Variants in PTPRN2 observed in about 807,000 individuals in gnomAD.
PTPRN2 encodes receptor-type tyrosine-protein phosphatase N2.
In PTPRN2, 74 loss-of-function variants were observed where a neutral mutation model predicts 118.8. That is an observed-to-expected ratio of 0.62 (90% CI 0.52 to 0.76). The LOEUF is 0.76. PTPRN2 is among the 30% of genes least tolerant of loss of function. PTPRN2 has a pLI of 0.00. For missense variants in PTPRN2, 1,481 were observed against 1,394.4 expected, an observed-to-expected ratio of 1.06 and a Z score of -0.99; for synonymous variants, 641 against 608.0, an observed-to-expected ratio of 1.05 and a Z score of -0.80.
intron 11 of PTPRN2, among the ~76,000 whole-genome samples, chr7:157,981,862 C>G (rs1350150697): frequency 6.6e-6 from 1 of 152,276 alleles, no homozygotes; most frequent in Non-Finnish European, 1.5e-5. Flanking sequence ...CAGCAGTTCT[C>G]CAAATGCAGC....
intron 3 of PTPRN2, among the ~76,000 whole-genome samples, chr7:158,247,361 G>A (rs1230708127): frequency 1.3e-5 from 2 of 152,218 alleles, no homozygotes; most frequent in Non-Finnish European, 2.9e-5. Flanking sequence ...GTGGGGAGGA[G>A]GGCGCTCTTG....
intron 12 of PTPRN2, among the ~76,000 whole-genome samples, chr7:157,688,396 C>T (rs1797297832): frequency 6.6e-6 from 1 of 152,226 alleles, no homozygotes; most frequent in Non-Finnish European, 1.5e-5. Context: ...AGCAGATTGC[C>T]TCCGGTGGGA....
At chr7:158,208,378 G>A (rs1407702882) in intron 3 of PTPRN2, among the ~76,000 whole-genome samples, 2 of 152,130 alleles carry the variant, frequency 1.3e-5, no homozygotes, top group Non-Finnish European at 2.9e-5. Flanking sequence ...GGTCAGGAAT[G>A]AAGAAAGAAT....
At chr7:157,906,723 C>T (rs1001108536) in intron 11 of PTPRN2, among the ~76,000 whole-genome samples, 2 of 152,164 alleles carry the variant, frequency 1.3e-5, no homozygotes, top group Admixed American at 6.5e-5. Flanking sequence ...ACCCTCTGGG[C>T]GCTGGGGCAC....
At chr7:157,830,008 C>T (rs1255980252) in intron 12 of PTPRN2, among the ~76,000 whole-genome samples, 1 of 152,214 alleles carries the variant, frequency 6.6e-6, no homozygotes, top group African/African-American at 2.4e-5. Context: ...CACCAGAACT[C>T]CTGGTCTGCA....
chr7:157,651,690 T>TA (rs1053415801), intron 14 of PTPRN2, among the ~76,000 whole-genome samples: 32 of 152,306 alleles, frequency 2.1e-4, no homozygotes, highest in African/African-American at 7.5e-4. Flanking sequence ...TTCTTTATCT[T>TA]ACAAAAGGAT....
chr7:157,566,694 A>G (rs944871308), intron 21 of PTPRN2, among the ~76,000 whole-genome samples: 3 of 152,274 alleles, frequency 2.0e-5, no homozygotes, highest in African/African-American at 7.2e-5. Context: ...TTGACATCAC[A>G]TGCCACAATG....
At position 158,562,399 on chromosome 7, in the gene PTPRN2, C is replaced by G. The variant is rs139884782; in HGVS notation, c.112+25159G>C. ...CACCAGCATGTCAGGAGCTAGGTTT[C>G]AACACATGCACTTGCGGGGACAAAC... On this transcript the variant is annotated intron_variant, in intron 1 of 22. Transcript: ENST00000389418. Among the ~76,000 whole-genome samples, 148 of 152,266 alleles carry G rather than the reference C, an allele frequency of 9.7e-4. No homozygotes were observed. The East Asian group carries it at 0.025, about 26-fold the overall frequency.
At chr7:157,574,684 C>T (rs150046801) in intron 19 of PTPRN2, among the ~76,000 whole-genome samples, 2,325 of 152,304 alleles carry the variant, frequency 0.015, 29 homozygotes, top group Non-Finnish European at 0.024. Flanking sequence ...GAGAACGCGT[C>T]GTCTATTGTT....
intron 11 of PTPRN2, among the ~76,000 whole-genome samples, chr7:157,998,726 G>A (rs1048617503): frequency 2.0e-5 from 3 of 151,774 alleles, no homozygotes; most frequent in African/African-American, 7.3e-5. Context: ...GGGATGCTGT[G>A]GCAGGCAAAT....
chr7:158,243,917 G>T (rs1024680123), intron 3 of PTPRN2, among the ~76,000 whole-genome samples: 20 of 152,238 alleles, frequency 1.3e-4, no homozygotes, highest in Non-Finnish European at 1.8e-4. Flanking sequence ...CTCCTAAGTA[G>T]CAGTCTTTGC....
intron 15 of PTPRN2, among the ~76,000 whole-genome samples, chr7:157,608,746 G>T (rs990004429): frequency 1.5e-4 from 23 of 152,156 alleles, no homozygotes; most frequent in African/African-American, 5.5e-4. Flanking sequence ...GCAGGCCCAC[G>T]CGCAATCAGC....
At chr7:157,731,187 C>T (rs1201913690) in intron 12 of PTPRN2, among the ~76,000 whole-genome samples, 1 of 152,132 alleles carries the variant, frequency 6.6e-6, no homozygotes, top group Non-Finnish European at 1.5e-5. Context: ...CACTTCTTAG[C>T]ATGCAAAACC....
intron 2 of PTPRN2, among the ~76,000 whole-genome samples, chr7:158,374,039 C>T (rs574521011): frequency 1.6e-4 from 25 of 152,356 alleles, no homozygotes; most frequent in African/African-American, 5.5e-4. Flanking sequence ...GGTGGCAACA[C>T]GACGCCCACG....
chr7:158,235,303 T>C (rs1339247972), intron 3 of PTPRN2, among the ~76,000 whole-genome samples: 1 of 152,228 alleles, frequency 6.6e-6, no homozygotes, highest in African/African-American at 2.4e-5. Context: ...CCTGTGTTTA[T>C]TGCAGGACTA....
At chr7:157,860,415 C>T (rs931483666) in intron 12 of PTPRN2, among the ~76,000 whole-genome samples, 1 of 152,192 alleles carries the variant, frequency 6.6e-6, no homozygotes, top group Non-Finnish European at 1.5e-5. Context: ...ACAGGATCCA[C>T]GTCTTGGTTA....
At position 157,720,323 on chromosome 7, in the gene PTPRN2, C is replaced by T. The variant is rs534076844; in HGVS notation, c.1789-37386G>A. Among the ~76,000 whole-genome samples the T allele has an allele frequency of 3.0e-4, 46 of 152,356 alleles. 2 individuals carry two copies. The highest frequency in any genetic ancestry group is 7.7e-4 in the East Asian group (4 of 5,180). Reference sequence around the variant, plus strand: ...CAGCCACTCTTGGTTTCTCGGCTGCCGCAATCGGTCATTCCAATGTCCGAC... The same window carrying T: ...CAGCCACTCTTGGTTTCTCGGCTGCTGCAATCGGTCATTCCAATGTCCGAC... On this transcript the variant is annotated intron_variant, in intron 12 of 22. Coordinates refer to ENST00000389418, the MANE Select transcript of PTPRN2 (RefSeq NM_002847.5).
intron 6 of PTPRN2, among the ~76,000 whole-genome samples, chr7:158,149,136 C>A (rs201377806): frequency 4.1e-3 from 12 of 2,920 alleles, no homozygotes; most frequent in South Asian, 0.016. Context: ...CCCCATCTCA[C>A]GCCACGTGTC....
At chr7:157,907,232 A>G (rs1797822640) in intron 11 of PTPRN2, among the ~76,000 whole-genome samples, 1 of 152,198 alleles carries the variant, frequency 6.6e-6, no homozygotes, top group Admixed American at 6.5e-5. Flanking sequence ...ACCAGGCCAC[A>G]GCTCTGTGCG....
Sources: allele counts gnomAD v4.1 joint callset (sites outside exome capture counted in the v4.1 genomes callset), GRCh38; gene constraint gnomAD v4.1.1; transcripts MANE v1.5; gene names NCBI Gene and HGNC (gene_info 2026-07-23, HGNC 2026-07-21).